Variants in DLG2 observed in about 807,000 individuals in gnomAD.
DLG2 encodes the protein disks large homolog 2.
DLG2 carries 45 observed loss-of-function variants against 132.5 expected under a neutral mutation model. The observed-to-expected ratio is 0.34, with a 90% CI of 0.27 to 0.44. The LOEUF (loss-of-function observed/expected upper bound fraction) is 0.44, where lower values mean the gene tolerates loss of function less well. DLG2 is among the 20% of genes least tolerant of loss of function. The probability of loss-of-function intolerance (pLI) is 1.00; values close to 1 mark genes in which losing one functional copy is unlikely to be tolerated. For synonymous variants in DLG2, 424 were observed against 419.6 expected (o/e 1.01, Z -0.13); for missense variants, 1,045 against 1,196.9 (o/e 0.87, Z 1.87).
At chr11:85,238,595 T>C (rs929155708) in intron 4 of DLG2, among the ~76,000 whole-genome samples, 2 of 152,078 alleles carry the variant, frequency 1.3e-5, no homozygotes, top group African/African-American at 4.8e-5. Flanking sequence ...CAAACCATCC[T>C]TTGCTGGCAT....
chr11:83,730,146 G>GC (rs775673275), intron 18 of DLG2, among the ~76,000 whole-genome samples: 1,440 of 110,960 alleles, frequency 0.013, 34 homozygotes, highest in African/African-American at 0.048. Flanking sequence ...TTTTTTTATG[G>GC]TTTTTTTTTT....
chr11:83,668,706 CATAT>C (rs1176794599), intron 18 of DLG2, among the ~76,000 whole-genome samples: 3 of 12,806 alleles, frequency 2.3e-4, no homozygotes, highest in African/African-American at 9.1e-4. Context: ...TATATAAACA[CATAT>C]ATATGTGTAT....
chr11:84,661,769 T>C (rs1298833312), intron 6 of DLG2, among the ~76,000 whole-genome samples: 1 of 152,136 alleles, frequency 6.6e-6, no homozygotes, highest in Non-Finnish European at 1.5e-5. Context: ...CCTCATTCAC[T>C]TTCCAGAATA....
intron 11 of DLG2, among the ~76,000 whole-genome samples, chr11:83,995,335 C>T (rs753345576): frequency 6.6e-6 from 1 of 152,022 alleles, no homozygotes; most frequent in African/African-American, 2.4e-5. Context: ...AAGTGCAAGT[C>T]CACATGTAGA....
intron 6 of DLG2, among the ~76,000 whole-genome samples, chr11:85,092,674 A>C (rs1229670468): frequency 1.4e-5 from 2 of 139,534 alleles, no homozygotes; most frequent in East Asian, 2.1e-4. Context: ...ACAGAGTTTC[A>C]CTCTGTTGCC....
At chr11:83,966,716 A>C (rs375299237) in intron 12 of DLG2, among the ~76,000 whole-genome samples, 1 of 152,248 alleles carries the variant, frequency 6.6e-6, no homozygotes, top group African/African-American at 2.4e-5. Context: ...GTAAATTAAC[A>C]TATCCATCAT....
intron 5 of DLG2, among the ~76,000 whole-genome samples, chr11:85,154,133 G>A (rs1258839260): frequency 4.2e-5 from 2 of 47,292 alleles, no homozygotes; most frequent in African/African-American, 6.8e-5. Flanking sequence ...TCTTCTTTTG[G>A]AGAAAAAAAA....
intron 10 of DLG2, among the ~76,000 whole-genome samples, chr11:84,078,967 C>T (rs1404036427): frequency 1.3e-5 from 2 of 152,124 alleles, no homozygotes; most frequent in South Asian, 4.1e-4. Context: ...TACCTCTCCA[C>T]CATTCCTTTC....
At chr11:84,235,591 T>C (rs2097148074) in intron 8 of DLG2, among the ~76,000 whole-genome samples, 1 of 152,160 alleles carries the variant, frequency 6.6e-6, no homozygotes, top group African/African-American at 2.4e-5. Context: ...TCACAACATG[T>C]ATACTCGCAA....
chr11:85,189,043 C>T (rs601857), intron 4 of DLG2, among the ~76,000 whole-genome samples: 32,372 of 151,914 alleles, frequency 0.21, 4,290 homozygotes, highest in East Asian at 0.41. Flanking sequence ...AAATACATCA[C>T]AGAAAAACTG....
At chr11:84,298,601 A>C (rs1409195241) in intron 7 of DLG2, among the ~76,000 whole-genome samples, 1 of 152,268 alleles carries the variant, frequency 6.6e-6, no homozygotes, top group Non-Finnish European at 1.5e-5. Flanking sequence ...AAAGCTTCTA[A>C]TACGATAGTT....
At chr11:84,932,035 T>C (rs1436450610) in intron 6 of DLG2, among the ~76,000 whole-genome samples, 1 of 152,220 alleles carries the variant, frequency 6.6e-6, no homozygotes, top group African/African-American at 2.4e-5. Flanking sequence ...GTTGAATGAA[T>C]ACTTTGCAAA....
At chr11:85,338,102 G>A (rs952235440) in intron 3 of DLG2, among the ~76,000 whole-genome samples, 1 of 152,080 alleles carries the variant, frequency 6.6e-6, no homozygotes, top group Non-Finnish European at 1.5e-5. Flanking sequence ...GGAAAGAAGA[G>A]CAAGAATAAA....
At chr11:84,464,364 C>T (rs546608613) in intron 7 of DLG2, among the ~76,000 whole-genome samples, 87 of 151,146 alleles carry the variant, frequency 5.8e-4, no homozygotes, top group Non-Finnish European at 1.1e-3. Flanking sequence ...TTAAGCTTCT[C>T]AGTGTGGTGG....
chr11:83,704,845 T>A (rs1026967859), intron 18 of DLG2, among the ~76,000 whole-genome samples: 4 of 151,802 alleles, frequency 2.6e-5, no homozygotes, highest in African/African-American at 4.8e-5. Flanking sequence ...AATAAAGATA[T>A]AATTCAGCAG....
intron 4 of DLG2, among the ~76,000 whole-genome samples, chr11:85,170,529 C>T (rs956225664): frequency 2.6e-5 from 4 of 152,008 alleles, no homozygotes; most frequent in Non-Finnish European, 4.4e-5. Context: ...AACTCTGAGC[C>T]CCTTACAATC....
In DLG2 at chr11:84,609,746, A is replaced by G. The variant is rs2099592101; in HGVS notation, c.358-75015T>C. Among the ~76,000 whole-genome samples the G allele has an allele frequency of 2.6e-5, 4 of 152,266 alleles. No homozygotes were observed. The South Asian group carries it at 8.3e-4, about 32-fold the overall frequency. ...TTATGATTGGATATACTAGTAGAGG[A>G]TGTTGAGTGAATTAGCCAAACTCCA... On this transcript the variant is annotated intron_variant, in intron 6 of 27. Transcript: ENST00000376104.
At chr11:83,736,324 C>T (rs1409017404) in intron 18 of DLG2, among the ~76,000 whole-genome samples, 2 of 152,034 alleles carry the variant, frequency 1.3e-5, no homozygotes, top group African/African-American at 4.8e-5. Flanking sequence ...GGGTATTACA[C>T]AAGTGTTTGC....
intron 3 of DLG2, among the ~76,000 whole-genome samples, chr11:85,430,697 T>C (rs1054817543): frequency 1.3e-5 from 2 of 152,130 alleles, no homozygotes; most frequent in Non-Finnish European, 2.9e-5. Flanking sequence ...GGGTTTATGT[T>C]TGTAATTGAA....
Sources: allele counts gnomAD v4.1 joint callset (sites outside exome capture counted in the v4.1 genomes callset), GRCh38; gene constraint gnomAD v4.1.1; transcripts MANE v1.5; gene names NCBI Gene and HGNC (gene_info 2026-07-23, HGNC 2026-07-21).